The following HECW1 variants were observed in gnomAD, a reference collection of about 807,000 sequenced individuals.
The protein encoded by HECW1 is E3 ubiquitin-protein ligase HECW1.
A neutral mutation model predicts 182.3 loss-of-function variants in HECW1; 61 were observed. The observed-to-expected ratio is 0.33, with a 90% CI of 0.27 to 0.41. HECW1 has a LOEUF of 0.41. HECW1 is among the 10% of genes least tolerant of loss of function. HECW1 has a pLI of 1.00. For missense variants in HECW1, 1,739 were observed against 2,108.9 expected (o/e 0.82, Z 3.44); for synonymous variants, 859 against 832.6 (o/e 1.03, Z -0.55).
intron 2 of HECW1, among the ~76,000 whole-genome samples, chr7:43,179,832 A>C (rs1401439019): frequency 1.3e-5 from 2 of 152,190 alleles, no homozygotes; most frequent in Non-Finnish European, 2.9e-5. Context: ...ATTTTTGAAA[A>C]CATGATTGAG....
chr7:43,500,792 T>C lies in HECW1; in HGVS notation c.3521+10T>C. ...TGGTCATTTTGCTGAGGTAGGGGGCTAGGCCTGAAATCCTTCTGGAAAAGC... is the reference window on the plus strand; with the variant it reads ...TGGTCATTTTGCTGAGGTAGGGGGCCAGGCCTGAAATCCTTCTGGAAAAGC... On this transcript the variant is annotated intron_variant, in intron 20 of 29. Transcript: ENST00000395891. The C allele has an allele frequency of 1.2e-6, 2 of 1,610,902 alleles. No homozygotes were observed. Among genetic ancestry groups the C allele is most frequent in the Non-Finnish European group, 1.7e-6 (2 of 1,177,090 alleles).
At chr7:43,394,852 T>C (rs10282004) in intron 6 of HECW1, among the ~76,000 whole-genome samples, 67,131 of 152,012 alleles carry the variant, frequency 0.44, 15,436 homozygotes, top group Middle Eastern at 0.55. Flanking sequence ...CAAATCCATC[T>C]CCCGGAGCAT....
chr7:43,138,483 G>A (rs1051107513), intron 2 of HECW1, among the ~76,000 whole-genome samples: 3 of 152,166 alleles, frequency 2.0e-5, no homozygotes, highest in African/African-American at 7.2e-5. Context: ...GTCGCTTTGG[G>A]GGAGTTCATT....
chr7:43,309,858 A>G (rs1808275968), intron 3 of HECW1, among the ~76,000 whole-genome samples: 1 of 152,244 alleles, frequency 6.6e-6, no homozygotes, highest in South Asian at 2.1e-4. Context: ...CCTATGTCTC[A>G]GTGAGGTTTC....
chr7:43,280,138 T>C (rs1490916297), intron 3 of HECW1, among the ~76,000 whole-genome samples: 1 of 152,152 alleles, frequency 6.6e-6, no homozygotes, highest in Non-Finnish European at 1.5e-5. Flanking sequence ...GACTAGGAAT[T>C]CTTATCACCT....
At chr7:43,442,888 G>A (rs2076932793) in intron 10 of HECW1, among the ~76,000 whole-genome samples, 1 of 152,160 alleles carries the variant, frequency 6.6e-6, no homozygotes, top group Non-Finnish European at 1.5e-5. Context: ...AGGCCAACAT[G>A]GATAGGGAGT....
intron 8 of HECW1, among the ~76,000 whole-genome samples, chr7:43,433,342 T>C (rs1272729847): frequency 1.3e-5 from 2 of 152,238 alleles, no homozygotes; most frequent in African/African-American, 4.8e-5. Context: ...CTCCACCCAG[T>C]TGCACAGTGG....
chr7:43,333,380 C>T (rs1405182055), intron 5 of HECW1, among the ~76,000 whole-genome samples: 1 of 152,212 alleles, frequency 6.6e-6, no homozygotes, highest in African/African-American at 2.4e-5. Context: ...ATTTCAATCG[C>T]TTCCTCACAG....
At chr7:43,308,810 C>T (rs188322536) in intron 3 of HECW1, among the ~76,000 whole-genome samples, 3 of 152,128 alleles carry the variant, frequency 2.0e-5, no homozygotes, top group East Asian at 1.9e-4. Flanking sequence ...TTAGTAGAGA[C>T]GGGGCTTCGC....
intron 14 of HECW1, among the ~76,000 whole-genome samples, chr7:43,464,062 G>C (rs1409810525): frequency 6.6e-6 from 1 of 152,260 alleles, no homozygotes; most frequent in African/African-American, 2.4e-5. Flanking sequence ...CAGGAAAGCA[G>C]ATGAATTCTG....
chr7:43,295,740 C>G (rs1039169848), intron 3 of HECW1, among the ~76,000 whole-genome samples: 1 of 152,144 alleles, frequency 6.6e-6, no homozygotes, highest in Non-Finnish European at 1.5e-5. Flanking sequence ...ATCCCACTAT[C>G]TCTCAGTCTC....
Position 43,444,333 on chromosome 7 carries a change from C to G in HECW1, c.1161C>G (p.Ser387=). ...SGEPRSEAPE[S]SESWKPEQLG... ...AACCTCGGTCTGAGGCACCAGAGTCCTCTGAGAGCTGGAAGCCAGAGCAGC... is the reference window on the plus strand; with the variant it reads ...AACCTCGGTCTGAGGCACCAGAGTCGTCTGAGAGCTGGAAGCCAGAGCAGC... The change falls in exon 11 of 30, where the codon TCC becomes TCG. Residue 387 remains serine, a synonymous_variant. Coordinates refer to ENST00000395891, the MANE Select transcript of HECW1 (RefSeq NM_015052.5). The surrounding 1 kb of genome is among the most constrained non-coding windows in gnomAD (Gnocchi z 4.3). 6.2e-7 allele frequency: 1 copy of G among 1,614,188 alleles called. No homozygotes were observed. Among genetic ancestry groups the G allele is most frequent in the East Asian group, 2.2e-5 (1 of 44,882 alleles).
Position 43,550,662 on chromosome 7 carries a change from C to A in HECW1, c.4395+71C>A, listed in dbSNP as rs1436414046. ...GCTTCACGGGGCCTCATCCTCCAGGCTCCCTGAGGGAGCAGCAGCTCAGGT... is the reference window on the plus strand; with the variant it reads ...GCTTCACGGGGCCTCATCCTCCAGGATCCCTGAGGGAGCAGCAGCTCAGGT... On this transcript the variant is annotated intron_variant, in intron 27 of 29. Coordinates refer to ENST00000395891, the MANE Select transcript of HECW1 (RefSeq NM_015052.5). 2.8e-6 allele frequency: 4 copies of A among 1,452,742 alleles called. No homozygotes were observed. The African/African-American group carries it at 4.2e-5, about 15-fold the overall frequency. The allele number at this position is 1,452,742 out of a possible 1,614,324, so 90.0% of individuals were successfully genotyped here.
At chr7:43,198,066 ACACACT>A (rs1284056563) in intron 2 of HECW1, among the ~76,000 whole-genome samples, 2 of 147,490 alleles carry the variant, frequency 1.4e-5, no homozygotes, top group African/African-American at 5.0e-5. Flanking sequence ...CACCCCACAC[ACACACT>A]CTCTTACACA....
chr7:43,401,586 T>C (rs13226388), intron 7 of HECW1, among the ~76,000 whole-genome samples: 4,096 of 143,890 alleles, frequency 0.028, 83 homozygotes, highest in Middle Eastern at 0.039. Flanking sequence ...TTTTTTTTTT[T>C]CCCCCAAATA....
chr7:43,281,713 CTTTTTT>C (rs55860415), intron 3 of HECW1, among the ~76,000 whole-genome samples: 5 of 77,348 alleles, frequency 6.5e-5, no homozygotes, highest in Admixed American at 6.3e-4. Flanking sequence ...TCTTTGCTTT[CTTTTTT>C]TTTTTTTTTT....
intron 3 of HECW1, among the ~76,000 whole-genome samples, chr7:43,294,137 A>C (rs930505316): frequency 1.3e-5 from 2 of 152,230 alleles, no homozygotes; most frequent in African/African-American, 2.4e-5. Flanking sequence ...TCTCATGTGC[A>C]TTGCAGTGGA....
chr7:43,543,422 G>A (rs182204615), intron 26 of HECW1, among the ~76,000 whole-genome samples: 53 of 152,222 alleles, frequency 3.5e-4, no homozygotes, highest in Non-Finnish European at 6.9e-4. Flanking sequence ...GCTGTCTTAC[G>A]TATTTGAGAA....
chr7:43,530,783 C>G (rs892785329), intron 24 of HECW1, among the ~76,000 whole-genome samples: 1 of 152,222 alleles, frequency 6.6e-6, no homozygotes, highest in Admixed American at 6.5e-5. Flanking sequence ...CTGCTGCTCA[C>G]TGTCCTGCTG....
Sources: allele counts gnomAD v4.1 joint callset (sites outside exome capture counted in the v4.1 genomes callset), GRCh38; gene constraint gnomAD v4.1.1; non-coding constraint Gnocchi (gnomAD v3.1); transcripts MANE v1.5; gene names NCBI Gene and HGNC (gene_info 2026-07-23, HGNC 2026-07-21).